The following HIBCH variants were observed in gnomAD, a reference collection of about 807,000 sequenced individuals.
HIBCH encodes 3-hydroxyisobutyryl-CoA hydrolase, mitochondrial.
HIBCH carries 50 observed loss-of-function variants against 58.2 expected under a neutral mutation model. That is an observed-to-expected ratio of 0.86 (90% CI 0.68 to 1.09). The LOEUF is 1.09. Among genes scored for constraint, HIBCH ranks in the 50% least tolerant of loss-of-function variants. The pLI, the probability that HIBCH is intolerant of heterozygous loss-of-function variation, is 0.00. For synonymous variants in HIBCH, 151 were observed against 146.9 expected, an observed-to-expected ratio of 1.03 and a Z score of -0.20; for missense variants, 450 against 449.7, an observed-to-expected ratio of 1.00 and a Z score of -0.01.
chr2:190,195,564 G>C (rs954360401), intron 1 of HIBCH, among the ~76,000 whole-genome samples: 2 of 152,180 alleles, frequency 1.3e-5, no homozygotes, highest in African/African-American at 4.8e-5. Flanking sequence ...GAAGACTTCC[G>C]TGAGGTGTCT....
rs1399226651 is a variant in HIBCH, at chr2:190,306,448, T to C, written c.78+4306A>G. 6.6e-6 allele frequency among the ~76,000 whole-genome samples: 1 copy of C among 152,140 alleles called. No homozygotes were observed. ...TGAAGAAGAAGGTAATGTCTTCCTC[T>C]GGGACAGACAGCAGACTTATTTACA... On this transcript the variant is annotated intron_variant, in intron 2 of 13. Coordinates refer to ENST00000359678, the MANE Select transcript of HIBCH (RefSeq NM_014362.4). The surrounding 1 kb of genome is among the most constrained non-coding windows in gnomAD (Gnocchi z 4.6).
chr2:190,228,616 C>G (rs181360624), intron 11 of HIBCH, among the ~76,000 whole-genome samples: 14 of 152,114 alleles, frequency 9.2e-5, no homozygotes, highest in African/African-American at 3.1e-4. Context: ...GGACTTGGAT[C>G]TTTAGCTATG....
chr2:190,264,996 G>A (rs1159283716), intron 6 of HIBCH, among the ~76,000 whole-genome samples: 2 of 151,728 alleles, frequency 1.3e-5, no homozygotes, highest in East Asian at 1.9e-4. Flanking sequence ...GGTGTCATGC[G>A]CCTGTAATCC....
At chr2:190,249,280 G>A (rs1265293859) in intron 9 of HIBCH, among the ~76,000 whole-genome samples, 1 of 152,150 alleles carries the variant, frequency 6.6e-6, no homozygotes, top group African/African-American at 2.4e-5. Flanking sequence ...AATACATGCT[G>A]CAATAAACTT....
chr2:190,281,436 G>A lies in HIBCH; in HGVS notation c.438+6150C>T, dbSNP rs73981037. 9.9e-5 allele frequency among the ~76,000 whole-genome samples: 15 copies of A among 152,202 alleles called. No individual in the cohort carries two copies. Among genetic ancestry groups the A allele is most frequent in the East Asian group, 3.9e-4 (2 of 5,158 alleles). The stretch of plus-strand genomic sequence containing the variant: ...AGCAGAGGCCCAAGCAGCCCCGGGC[G>A]GTAAGCTTATAGGGGGAGGCCCAAG... On this transcript the variant is annotated intron_variant, in intron 6 of 13. Transcript: ENST00000359678. The surrounding 1 kb of genome is among the most constrained non-coding windows in gnomAD (Gnocchi z 5.4).
intron 6 of HIBCH, among the ~76,000 whole-genome samples, chr2:190,273,429 A>G (rs1687458511): frequency 6.6e-6 from 1 of 152,044 alleles, no homozygotes; most frequent in Non-Finnish European, 1.5e-5. Context: ...AAATAAAAGC[A>G]ATCCTAACTC....
At chr2:190,203,851 G>C (rs1160806739), downstream of HIBCH, 1 of 151,984 alleles carries the variant, frequency 6.6e-6, no homozygotes, top group East Asian at 1.9e-4. Flanking sequence ...CAGTTCCGTT[G>C]GCTTTTTATT....
intron 6 of HIBCH, among the ~76,000 whole-genome samples, chr2:190,282,477 C>T (rs886376340): frequency 6.6e-6 from 1 of 152,158 alleles, no homozygotes; most frequent in African/African-American, 2.4e-5. Flanking sequence ...AACCTGCTCT[C>T]GCAGAAACTA....
At chr2:190,314,361 A>ATATATATACACATATATACG (rs1553508491) in intron 1 of HIBCH, among the ~76,000 whole-genome samples, 29 of 44,356 alleles carry the variant, frequency 6.5e-4, no homozygotes, top group African/African-American at 2.3e-3. Flanking sequence ...ATATATACGT[A>ATATATATACACATATATACG]TATATATACG....
chr2:190,245,000 G>T (rs747881400), intron 10 of HIBCH, 32 bp from the exon 11 acceptor site: 1 of 1,295,528 alleles, frequency 7.7e-7, no homozygotes, highest in Non-Finnish European at 1.1e-6. Flanking sequence ...TTTCACCAAT[G>T]TGTAAGTGAT....
chr2:190,260,702 T>G (rs1339081211), intron 7 of HIBCH, among the ~76,000 whole-genome samples: 1 of 152,132 alleles, frequency 6.6e-6, no homozygotes, highest in Non-Finnish European at 1.5e-5. Flanking sequence ...CACAGGCAAT[T>G]CAGTAGCAAA....
At position 190,244,929 on chromosome 2, in the gene HIBCH, G is replaced by T. The variant is rs1386746805; in HGVS notation, c.849C>A (p.Asn283Lys). ...CAAAAGATGAACCATCTTGCTGTAA[G>T]TTTTCAATAATTTCTTCCACAGTAT... ...SANTVEEIIE[N>K]LQQDGSSFAL... The change falls in exon 11 of 14, where the codon AAC (asparagine) becomes AAA (lysine). Residue 283 changes from asparagine (N) to lysine (K), a missense_variant. Physicochemically the swap from Asn to Lys is moderately conservative, Grantham distance 94. Coordinates refer to ENST00000359678, the MANE Select transcript of HIBCH (RefSeq NM_014362.4). 6.2e-7 allele frequency: 1 copy of T among 1,611,472 alleles called. No homozygotes were observed. Among genetic ancestry groups the T allele is most frequent in the South Asian group, 1.1e-5 (1 of 91,020 alleles).
Position 190,252,202 on chromosome 2 carries a change from T to C in HIBCH, c.623A>G (p.Tyr208Cys). ...TGFRLKGRDV[Y>C]RAGIATHFVD... ...AAAGTGTGTAGCAATTCCTGCTCTG[T>C]ACACATCTCTTCCTTTTAGTCTGAA... Residue 208 changes from tyrosine to cysteine, a missense_variant, in exon 8 of 14, where the codon TAC (tyrosine) becomes TGC (cysteine). Transcript: ENST00000359678. The C allele has an allele frequency of 1.9e-6, 3 of 1,613,958 alleles. No individual in the cohort carries two copies. Among genetic ancestry groups the C allele is most frequent in the Non-Finnish European group, 2.5e-6 (3 of 1,179,820 alleles).
At chr2:190,288,165 T>A (rs1575750760) in intron 5 of HIBCH, among the ~76,000 whole-genome samples, 1 of 4,988 alleles carries the variant, frequency 2.0e-4, no homozygotes, top group Non-Finnish European at 1.0e-3. Flanking sequence ...TCTTTTTTTT[T>A]TTTTTTTTTA....
chr2:190,194,000 CTA>C (rs1437612776), intron 1 of HIBCH, among the ~76,000 whole-genome samples: 3 of 152,064 alleles, frequency 2.0e-5, no homozygotes. Context: ...TTAGTTGAAA[CTA>C]TATTTTAATT....
intron 11 of HIBCH, among the ~76,000 whole-genome samples, chr2:190,228,005 G>C (rs1310947384): frequency 6.6e-6 from 1 of 152,146 alleles, no homozygotes; most frequent in East Asian, 1.9e-4. Flanking sequence ...ATTCCTCAAG[G>C]ATCTAGAACT....
chr2:190,204,038 C>T lies in HIBCH; in HGVS notation c.*1079G>A, dbSNP rs1252112779. ...TTAAACAAAAATTACAAACAAAAAA[C>T]AAAATCATAAATTTTGTTTACTTTG... On this transcript the variant is annotated 3_prime_UTR_variant, in exon 14 of 14. Transcript: ENST00000359678. The T allele has an allele frequency of 6.6e-6, 1 of 151,834 alleles. No individual in the cohort carries two copies. 9.4% of individuals were successfully genotyped at this position (151,834 alleles called of 1,614,324 possible).
downstream of HIBCH, chr2:190,200,526 C>G (rs901831999): frequency 1.1e-5 from 2 of 185,780 alleles, no homozygotes; most frequent in South Asian, 1.4e-4. Context: ...TTGTTTATAC[C>G]CAAAAAAAGT....
chr2:190,294,467 A>C, intron 4 of HIBCH, 79 bp downstream of exon 4: 1 of 956,920 alleles, frequency 1.0e-6, no homozygotes, highest in Non-Finnish European at 1.7e-6. Context: ...CAAATTATAA[A>C]TTATTACAAA....
Sources: allele counts gnomAD v4.1 joint callset (sites outside exome capture counted in the v4.1 genomes callset), GRCh38; gene constraint gnomAD v4.1.1; non-coding constraint Gnocchi (gnomAD v3.1); transcripts MANE v1.5; gene names NCBI Gene and HGNC (gene_info 2026-07-23, HGNC 2026-07-21).